SYTL5: variants seen among roughly 807,000 people sequenced by gnomAD.
SYTL5 encodes synaptotagmin like 5.
A neutral mutation model predicts 55.9 loss-of-function variants in SYTL5; 34 were observed. The observed-to-expected ratio is 0.61, with a 90% confidence interval of 0.46 to 0.81. The LOEUF (loss-of-function observed/expected upper bound fraction) is 0.81, where lower values mean the gene tolerates loss of function less well. Among genes scored for constraint, SYTL5 ranks in the 30% least tolerant of loss-of-function variants. The pLI, the probability that SYTL5 is intolerant of heterozygous loss-of-function variation, is 0.00. For missense variants in SYTL5, 637 were observed against 546.7 expected, an observed-to-expected ratio of 1.17 and a Z score of -1.65; for synonymous variants, 221 against 188.7, an observed-to-expected ratio of 1.17 and a Z score of -1.40.
chrX:38,091,911 G>A (rs191197402), intron 7 of SYTL5, among the ~76,000 whole-genome samples: 22 of 111,505 alleles, frequency 2.0e-4, no homozygotes, highest in African/African-American at 6.9e-4. Context: ...ATTTAGTAGA[G>A]TATATATACA....
the SYTL5 span, among the ~76,000 whole-genome samples, chrX:37,959,157 C>T: frequency 3.6e-5 from 4 of 111,903 alleles, no homozygotes; most frequent in Non-Finnish European, 5.6e-5. Context: ...GGGGACTCTC[C>T]GTGACAGCTC....
intron 7 of SYTL5, among the ~76,000 whole-genome samples, chrX:38,091,776 C>T (rs908575311): frequency 8.9e-6 from 1 of 111,821 alleles, no homozygotes; most frequent in African/African-American, 3.3e-5. Context: ...TTTCTACGTA[C>T]AATTTGAGAT....
At chrX:38,121,713 G>A (rs1937572985) in intron 14 of SYTL5, among the ~76,000 whole-genome samples, 1 of 112,308 alleles carries the variant, frequency 8.9e-6, no homozygotes, top group African/African-American at 3.2e-5. Context: ...GAGTTTTGGT[G>A]CATGTATATT....
the SYTL5 span, among the ~76,000 whole-genome samples, chrX:37,926,774 A>C: frequency 9.0e-6 from 1 of 111,707 alleles, no homozygotes; most frequent in Non-Finnish European, 1.9e-5. Context: ...CAACCGTGAT[A>C]ATTTATTTCT....
the SYTL5 span, among the ~76,000 whole-genome samples, chrX:37,976,848 C>G: frequency 9.3e-6 from 1 of 108,023 alleles, no homozygotes; most frequent in African/African-American, 3.4e-5. Context: ...CAACTGTAGT[C>G]CCAGCTACTC....
intron 10 of SYTL5, among the ~76,000 whole-genome samples, chrX:38,104,307 C>T (rs755269266): frequency 9.0e-6 from 1 of 111,680 alleles, no homozygotes; most frequent in Admixed American, 9.5e-5. Context: ...TGTGGTACCT[C>T]GATACACAGT....
the SYTL5 span, among the ~76,000 whole-genome samples, chrX:37,907,854 A>T: frequency 8.9e-6 from 1 of 111,984 alleles, no homozygotes; most frequent in African/African-American, 3.2e-5. Context: ...ATATTTGAAA[A>T]AATCTATATA....
the SYTL5 span, among the ~76,000 whole-genome samples, chrX:37,905,980 C>T: frequency 8.8e-6 from 1 of 113,348 alleles, no homozygotes; most frequent in Admixed American, 9.2e-5. Context: ...GGGCGCACAG[C>T]GCCGAGAGGC....
the SYTL5 span, among the ~76,000 whole-genome samples, chrX:37,988,675 T>A: frequency 1.8e-5 from 2 of 112,407 alleles, no homozygotes; most frequent in Non-Finnish European, 3.8e-5. Context: ...GTCTATATTG[T>A]CTTAGAGAAC....
At chrX:37,960,797 TA>T in the SYTL5 span, among the ~76,000 whole-genome samples, 4 of 90,444 alleles carry the variant, frequency 4.4e-5, no homozygotes, top group East Asian at 3.8e-4. Flanking sequence ...TTTATTTATT[TA>T]TTTATTTATT....
chrX:38,053,809 C>T (rs1769144547), intron 2 of SYTL5, among the ~76,000 whole-genome samples: 1 of 112,028 alleles, frequency 8.9e-6, no homozygotes, highest in African/African-American at 3.2e-5. Context: ...AGAGAAGTTA[C>T]AGTAGAATGA....
At chrX:38,064,857 T>G (rs950619825) in intron 3 of SYTL5, among the ~76,000 whole-genome samples, 8 of 111,379 alleles carry the variant, frequency 7.2e-5, no homozygotes, top group Non-Finnish European at 1.1e-4. Flanking sequence ...CTATATGTAA[T>G]TTTTAACATT....
the SYTL5 span, among the ~76,000 whole-genome samples, chrX:37,904,285 C>T: frequency 9.8e-6 from 1 of 102,292 alleles, no homozygotes; most frequent in Non-Finnish European, 2.0e-5. Context: ...GGTGATATTT[C>T]CTGCAAGGTA....
At chrX:38,040,966 C>G (rs774728094) in intron 2 of SYTL5, among the ~76,000 whole-genome samples, 3 of 112,037 alleles carry the variant, frequency 2.7e-5, no homozygotes, top group Non-Finnish European at 3.8e-5. Flanking sequence ...TCCTCTGCAT[C>G]CTCGCCAGCA....
intron 2 of SYTL5, among the ~76,000 whole-genome samples, chrX:38,036,543 T>C (rs1359083152): frequency 9.0e-6 from 1 of 111,118 alleles, no homozygotes; most frequent in Non-Finnish European, 1.9e-5. Context: ...AGAAAAGAGA[T>C]TTTCTAAAGC....
At chrX:38,066,339 A>G (rs1317415884) in intron 3 of SYTL5, among the ~76,000 whole-genome samples, 1 of 111,582 alleles carries the variant, frequency 9.0e-6, no homozygotes, top group Non-Finnish European at 1.9e-5. Context: ...TTGACTTTAC[A>G]TTCATATAAG....
the SYTL5 span, among the ~76,000 whole-genome samples, chrX:37,904,453 T>C: frequency 9.1e-6 from 1 of 110,178 alleles, no homozygotes; most frequent in East Asian, 2.8e-4. Flanking sequence ...AACTGAAGGC[T>C]GGTATTATTC....
the SYTL5 span, among the ~76,000 whole-genome samples, chrX:37,907,152 A>G: frequency 1.8e-5 from 2 of 111,972 alleles, no homozygotes; most frequent in Non-Finnish European, 3.8e-5. Flanking sequence ...TGCAATGTTA[A>G]CAAGTGGTCT....
At chrX:37,895,019 G>A in the SYTL5 span, among the ~76,000 whole-genome samples, 4 of 111,417 alleles carry the variant, frequency 3.6e-5, no homozygotes, top group African/African-American at 9.8e-5. Flanking sequence ...CTATAATTGC[G>A]TGAGCCAATT....
Sources: gnomAD v4.1 joint callset for allele counts (sites outside exome capture counted in the v4.1 genomes callset) on GRCh38, gnomAD v4.1.1 for gene constraint, MANE v1.5 for transcripts, NCBI Gene and HGNC (gene_info 2026-07-23, HGNC 2026-07-21) for gene names.